PCM1: variants seen among roughly 807,000 people sequenced by gnomAD.
PCM1 encodes the protein pericentriolar material 1, also known as pericentriolar material 1 protein.
A neutral mutation model predicts 241.9 loss-of-function variants in PCM1; 157 were observed. The observed-to-expected ratio is 0.65, with a 90% CI of 0.57 to 0.74. PCM1 has a LOEUF of 0.74. PCM1 is among the 30% of genes least tolerant of loss of function. The probability of loss-of-function intolerance (pLI) is 0.00; values close to 1 mark genes in which losing one functional copy is unlikely to be tolerated. For missense variants in PCM1, 3,478 were observed against 2,360.1 expected, an observed-to-expected ratio of 1.47 and a Z score of -9.81; for synonymous variants, 1,085 against 784.9, an observed-to-expected ratio of 1.38 and a Z score of -6.39.
chr8:18,017,792 G>T (rs142061695), intron 36 of PCM1, among the ~76,000 whole-genome samples: 2,599 of 152,220 alleles, frequency 0.017, 43 homozygotes, highest in South Asian at 0.044. Context: ...GGTGGAGGTT[G>T]TCGTGAGCCA....
chr8:17,954,942 A>G (rs1397909472), intron 9 of PCM1, among the ~76,000 whole-genome samples: 1 of 152,146 alleles, frequency 6.6e-6, no homozygotes, highest in Non-Finnish European at 1.5e-5. Flanking sequence ...CTCCTGGAGC[A>G]AGAAAAGTTC....
At chr8:18,021,181 T>G (rs2093722252) in intron 36 of PCM1, among the ~76,000 whole-genome samples, 1 of 152,204 alleles carries the variant, frequency 6.6e-6, no homozygotes, top group Non-Finnish European at 1.5e-5. Context: ...AAGGACTCAG[T>G]GAAGGCCCAG....
chr8:17,971,313 GTGT>G (rs1399399838), intron 22 of PCM1, among the ~76,000 whole-genome samples: 4 of 152,336 alleles, frequency 2.6e-5, no homozygotes, highest in Admixed American at 2.0e-4. Flanking sequence ...ATTAGGAGCA[GTGT>G]TGTTGTTCAC....
chr8:17,955,792 C>A (rs986892478), intron 10 of PCM1, 139 bp downstream of exon 10: 9 of 696,952 alleles, frequency 1.3e-5, no homozygotes, highest in South Asian at 6.9e-5. Context: ...GTAGAAGAGG[C>A]GTGTGTGTGT....
Position 17,943,625 on chromosome 8 carries a change from C to G in PCM1, c.784-3561C>G, listed in dbSNP as rs147343866. Reference sequence around the variant, plus strand: ...AGTGATTATTATTCTTTTTTGAATTCTCTTCTTGGCATTTATTTCATTTTG... The same window carrying G: ...AGTGATTATTATTCTTTTTTGAATTGTCTTCTTGGCATTTATTTCATTTTG... On this transcript the variant is annotated intron_variant, in intron 6 of 38. Transcript: ENST00000325083. Among the ~76,000 whole-genome samples, 224 of 151,682 alleles carry G rather than the reference C, an allele frequency of 1.5e-3. 1 individual carries two copies. Among genetic ancestry groups the G allele is most frequent in the African/African-American group, 5.0e-3 (208 of 41,358 alleles).
rs956338130 is a variant in PCM1 at position 17,964,657 on chromosome 8, C to G, written c.2744C>G (p.Thr915Arg). 2 of 1,613,622 alleles carry G rather than the reference C, an allele frequency of 1.2e-6. No individual in the cohort carries two copies. Among genetic ancestry groups the G allele is most frequent in the African/African-American group, 2.7e-5 (2 of 74,878 alleles). The change falls in exon 18 of 39, where the codon ACA becomes AGA. Residue 915 changes from threonine (T) to arginine (R), a missense_variant. Physicochemically the swap from Thr to Arg is moderately conservative, Grantham distance 71 (BLOSUM62 -1). Transcript: ENST00000325083. ...TACCTTTCTGAAGGAATTGTTCGGA[C>G]AGATGAAGAGGAGGAAGAAGAGCAA... Reference protein sequence around the residue: ...DGYLSEGIVRTDEEEEEEQDA... With the variant: ...DGYLSEGIVRRDEEEEEEQDA...
chr8:17,924,053 CG>C (rs1246111450), intron 1 of PCM1, among the ~76,000 whole-genome samples: 1 of 151,302 alleles, frequency 6.6e-6, no homozygotes, highest in African/African-American at 2.4e-5. Context: ...TTACGGGTGA[CG>C]GTTCGTGTTT....
chr8:17,970,259 A>G (rs117836753), intron 22 of PCM1, among the ~76,000 whole-genome samples: 2,562 of 152,228 alleles, frequency 0.017, 41 homozygotes, highest in South Asian at 0.043. Flanking sequence ...TCAGTGTGAA[A>G]GGTTGGCTCC....
chr8:17,935,463 C>T, intron 2 of PCM1, 126 bp from the exon 3 acceptor site: 2 of 588,178 alleles, frequency 3.4e-6, no homozygotes, highest in Non-Finnish European at 3.1e-6. Context: ...ATGTGGTTGA[C>T]AGTGCCTCAT....
At chr8:17,997,686 T>C (rs926583574) in intron 29 of PCM1, among the ~76,000 whole-genome samples, 1 of 152,106 alleles carries the variant, frequency 6.6e-6, no homozygotes, top group Non-Finnish European at 1.5e-5. Flanking sequence ...CTTGATTCTT[T>C]TAAATTATCT....
chr8:18,024,062 C>A (rs116351474), intron 36 of PCM1, among the ~76,000 whole-genome samples: 4 of 152,176 alleles, frequency 2.6e-5, no homozygotes, highest in East Asian at 1.9e-4. Context: ...AAAACAAAGG[C>A]CTTTAAAACA....
intron 17 of PCM1, among the ~76,000 whole-genome samples, chr8:17,964,137 A>T (rs973929241): frequency 6.6e-6 from 1 of 152,210 alleles, no homozygotes; most frequent in Non-Finnish European, 1.5e-5. Context: ...ATGAAATTAA[A>T]AATTTATTTT....
At chr8:18,025,314 CTGGTT>C (rs1304194562) in intron 36 of PCM1, 42 bp from the exon 37 acceptor site, 1 of 978,830 alleles carries the variant, frequency 1.0e-6, no homozygotes, top group Non-Finnish European at 1.6e-6. Context: ...ACATGGATGA[CTGGTT>C]TGGATCTAGA....
chr8:17,966,346 C>G lies in PCM1; in HGVS notation c.3094C>G (p.Gln1032Glu), dbSNP rs748351592. The G allele has an allele frequency of 6.2e-7, 1 of 1,613,810 alleles. No individual in the cohort carries two copies. Among genetic ancestry groups the G allele is most frequent in the Non-Finnish European group, 8.5e-7 (1 of 1,179,788 alleles). The change falls in exon 20 of 39, where the codon CAA becomes GAA. Residue 1032 changes from glutamine to glutamate, a missense_variant. Physicochemically the swap from Gln to Glu is conservative, Grantham distance 29. Coordinates refer to ENST00000325083, the MANE Select transcript of PCM1 (RefSeq NM_006197.4). ...QDQQTLSCLL[Q>E]TLLTGPYSVM... ...TCAATAGACTCTATCTTGTCTGCTACAAACTCTTCTCACGGGTCCTTACAG... is the reference window on the plus strand; with the variant it reads ...TCAATAGACTCTATCTTGTCTGCTAGAAACTCTTCTCACGGGTCCTTACAG...
intron 1 of PCM1, among the ~76,000 whole-genome samples, chr8:17,923,793 G>C (rs2055636417): frequency 6.6e-6 from 1 of 152,046 alleles, no homozygotes; most frequent in Non-Finnish European, 1.5e-5. Flanking sequence ...AGTAATTATT[G>C]CCCCTTCTTT....
chr8:17,968,730 ATG>A (rs551909289), intron 21 of PCM1, among the ~76,000 whole-genome samples: 1,501 of 134,654 alleles, frequency 0.011, 25 homozygotes, highest in African/African-American at 0.027. Context: ...GGATGTATAT[ATG>A]TGTGTGTGTG....
Position 18,011,649 on chromosome 8 carries a change from G to A in PCM1, c.5351-18G>A, listed in dbSNP as rs2092535972. 2.5e-6 allele frequency: 4 copies of A among 1,582,940 alleles called. No homozygotes were observed. The highest frequency in any genetic ancestry group is 1.2e-5 in the South Asian group (1 of 85,980). On this transcript the variant is annotated intron_variant, in intron 33 of 38. Transcript: ENST00000325083. Reference sequence around the variant, plus strand: ...TATGTGCTGAAATTTACTAAAAATTGTGTATTAATCAACTTAGATTTGTCT... The same window carrying A: ...TATGTGCTGAAATTTACTAAAAATTATGTATTAATCAACTTAGATTTGTCT...
At chr8:17,960,778 C>T (rs778544827) in intron 15 of PCM1, among the ~76,000 whole-genome samples, 38 of 151,958 alleles carry the variant, frequency 2.5e-4, no homozygotes, top group Non-Finnish European at 4.3e-4. Flanking sequence ...CCCGTCTCAG[C>T]CTCCCAAAGT....
rs1375892748 is a variant in PCM1 at position 18,029,228 on chromosome 8, TA to T, written c.*1569del. Reference sequence around the variant, plus strand: ...AGTGTAATGTCCATTCAAGGAGTATTAAATGAGGATTTCCCTGCGAGGACAT... The same window carrying T: ...AGTGTAATGTCCATTCAAGGAGTATTAATGAGGATTTCCCTGCGAGGACAT... On this transcript the variant is annotated 3_prime_UTR_variant, in exon 39 of 39. Coordinates refer to ENST00000325083, the MANE Select transcript of PCM1 (RefSeq NM_006197.4). The T allele has an allele frequency of 5.0e-6, 1 of 200,386 alleles. No individual in the cohort carries two copies. Among genetic ancestry groups the T allele is most frequent in the Admixed American group, 6.0e-5 (1 of 16,688 alleles). 12.4% of individuals were successfully genotyped at this position (200,386 alleles called of 1,614,324 possible).
Sources: gnomAD v4.1 joint callset for allele counts (sites outside exome capture counted in the v4.1 genomes callset) on GRCh38, gnomAD v4.1.1 for gene constraint, MANE v1.5 for transcripts, NCBI Gene and HGNC (gene_info 2026-07-23, HGNC 2026-07-21) for gene names.